The following ABCD4 variants were observed in gnomAD, a reference collection of about 807,000 sequenced individuals.
The protein encoded by ABCD4 is ATP binding cassette subfamily D member 4, also known as lysosomal cobalamin transporter ABCD4.
Under a neutral mutation model 86.3 loss-of-function variants are expected in ABCD4, and 53 were observed. That is an observed-to-expected ratio of 0.61 (90% CI 0.49 to 0.77). ABCD4 has a LOEUF of 0.77. Ranked by LOEUF, ABCD4 falls within the 30% of genes least tolerant of loss-of-function variation. The probability of loss-of-function intolerance (pLI) is 0.00; values close to 1 mark genes in which losing one functional copy is unlikely to be tolerated. For synonymous variants in ABCD4, 328 were observed against 313.6 expected, an observed-to-expected ratio of 1.05 and a Z score of -0.49; for missense variants, 757 against 764.5, an observed-to-expected ratio of 0.99 and a Z score of 0.12.
chr14:74,290,196 CA>C, intron 12 of ABCD4, 78 bp from the exon 13 acceptor site: 1 of 1,610,784 alleles, frequency 6.2e-7, no homozygotes, highest in Non-Finnish European at 8.5e-7. Flanking sequence ...CCTTGTTCCC[CA>C]ACAGAAAAGA....
rs374477379 is a variant in ABCD4 at position 74,293,262 on chromosome 14, G to C, written c.720-14C>G. 5.0e-5 allele frequency: 80 copies of C among 1,613,592 alleles called. No homozygotes were observed. The highest frequency in any genetic ancestry group is 4.7e-5 in the Non-Finnish European group (56 of 1,179,750). ...ACATGCCCAGCTCTGACAAGGAAAG[G>C]CTGGGATGTCCACAGGGCTGGAGAG... On this transcript the variant is annotated splice_polypyrimidine_tract_variant and intron_variant, in intron 7 of 18. Transcript: ENST00000356924.
chr14:74,293,361 T>C, intron 7 of ABCD4, 113 bp from the exon 8 acceptor site: 1 of 935,466 alleles, frequency 1.1e-6, no homozygotes, highest in South Asian at 1.5e-5. Flanking sequence ...CAAATGATCT[T>C]GGTCTCAGGA....
intron 3 of ABCD4, among the ~76,000 whole-genome samples, 162 bp from the exon 4 acceptor site, chr14:74,298,231 G>C (rs548324900): frequency 6.6e-6 from 1 of 152,102 alleles, no homozygotes; most frequent in Admixed American, 6.5e-5. Flanking sequence ...TCGAGTCATG[G>C]GACTTTCCCT....
At position 74,290,117 on chromosome 14, in the gene ABCD4, G is replaced by A; in HGVS notation, c.1329C>T (p.Gly443=). The A allele has an allele frequency of 1.2e-6, 2 of 1,614,128 alleles. No individual in the cohort carries two copies. The highest frequency in any genetic ancestry group is 1.3e-5 in the African/African-American group (1 of 75,036). Reference sequence around the variant, plus strand: ...CAAAGTCCGTCAGCATCTGCACTGAGCCTGCAGAGCCCACAGAAACCTCCA... The same window carrying A: ...CAAAGTCCGTCAGCATCTGCACTGAACCTGCAGAGCCCACAGAAACCTCCA... ...VLGGLWTSTR[G]SVQMLTDFGP... is the part of the protein sequence containing the mutation. The change falls in exon 13 of 19, where the codon GGC becomes GGT. Residue 443 remains glycine (G), a splice_region_variant and synonymous_variant. Coordinates refer to ENST00000356924, the MANE Select transcript of ABCD4 (RefSeq NM_005050.4).
intron 6 of ABCD4, chr14:74,295,619 T>C: frequency 1.7e-6 from 1 of 584,672 alleles, no homozygotes; most frequent in East Asian, 3.1e-5. Flanking sequence ...GCAGACACGG[T>C]TCTCAGACCT....
intron 4 of ABCD4, chr14:74,297,564 CTTTTTT>C (rs566448507): frequency 1.6e-5 from 4 of 249,948 alleles, no homozygotes; most frequent in Non-Finnish European, 6.4e-6. Context: ...TAACATTTTT[CTTTTTT>C]TTAAGAGATG....
chr14:74,289,951 G>A, intron 13 of ABCD4, 76 bp downstream of exon 13: 2 of 1,605,548 alleles, frequency 1.2e-6, no homozygotes, highest in African/African-American at 1.3e-5. Flanking sequence ...CCTGAGACTT[G>A]TCACAGTGCC....
rs2079566538 is a variant in ABCD4 at position 74,285,434 on chromosome 14, G to C, written c.*1027C>G. 6.6e-6 allele frequency: 1 copy of C among 152,098 alleles called. No individual in the cohort carries two copies. The allele number at this position is 152,098 out of a possible 1,614,324, so 9.4% of individuals were successfully genotyped here. ...GTTAATAACACCGATGGTTTTTCTTGTATTTATTTTTAGTTACTTTCCATC... is the reference window on the plus strand; with the variant it reads ...GTTAATAACACCGATGGTTTTTCTTCTATTTATTTTTAGTTACTTTCCATC... On this transcript the variant is annotated 3_prime_UTR_variant, in exon 19 of 19. Coordinates refer to ENST00000356924, the MANE Select transcript of ABCD4 (RefSeq NM_005050.4).
chr14:74,292,735 G>A lies in ABCD4; in HGVS notation c.936+13C>T, dbSNP rs753624308. On this transcript the variant is annotated intron_variant, in intron 9 of 18. Transcript: ENST00000356924. ...GAGGGACAGCATGTGGGGTGACCAA[G>A]AGGGAGTCTCACCTTGCTGACCAGG... 7 of 1,613,870 alleles carry A rather than the reference G, an allele frequency of 4.3e-6. No individual in the cohort carries two copies. Among genetic ancestry groups the A allele is most frequent in the African/African-American group, 4.0e-5 (3 of 74,930 alleles).
At chr14:74,294,491 G>C (rs2082340897) in intron 7 of ABCD4, 1 of 152,076 alleles carries the variant, frequency 6.6e-6, no homozygotes, top group African/African-American at 2.4e-5. Flanking sequence ...AAGGTCCCAG[G>C]GCTATCACAT....
Position 74,300,239 on chromosome 14 carries a change from C to A in ABCD4, c.68G>T (p.Arg23Leu). 2 of 1,613,354 alleles carry A rather than the reference C, an allele frequency of 1.2e-6. No homozygotes were observed. Among genetic ancestry groups the A allele is most frequent in the Non-Finnish European group, 1.7e-6 (2 of 1,179,620 alleles). ...RPRLDLQFLQ[R>L]FLQILKVLFP... ...CAAAACCTTCAGTATCTGCAGGAAC[C>A]GCTGGAGAAATTGCAGATCTAACCT... Residue 23 changes from arginine (R) to leucine (L), a missense_variant, in exon 2 of 19, where the codon CGG becomes CTG. Physicochemically the swap from Arg to Leu is moderately radical, Grantham distance 102. Transcript: ENST00000356924.
intron 6 of ABCD4, 57 bp from the exon 7 acceptor site, chr14:74,295,255 G>T: frequency 6.2e-7 from 1 of 1,600,838 alleles, no homozygotes; most frequent in African/African-American, 1.3e-5. Context: ...CCTCACTCTT[G>T]TTGGAGTCCT....
At chr14:74,300,738 G>A (rs993471752) in intron 1 of ABCD4, among the ~76,000 whole-genome samples, 4 of 152,120 alleles carry the variant, frequency 2.6e-5, no homozygotes, top group African/African-American at 7.2e-5. Context: ...CCTATACAGG[G>A]GAAAACTGAT....
rs2082889721 is a variant in ABCD4 at position 74,296,425 on chromosome 14, C to T, written c.450G>A (p.Val150=). The change falls in exon 5 of 19, where the codon GTG becomes GTA. Residue 150 remains valine, a synonymous_variant. Transcript: ENST00000356924. The stretch of plus-strand genomic sequence containing the variant: ...TGCTGAGCTGCCGGCAGAATCGCTC[C>T]ACGTCCTGGCTGATGCGCTGGTCCC... ...DNPDQRISQD[V]ERFCRQLSSM... 1.9e-6 allele frequency: 3 copies of T among 1,613,982 alleles called. No individual in the cohort carries two copies. Among genetic ancestry groups the T allele is most frequent in the Admixed American group, 1.7e-5 (1 of 59,984 alleles).
At position 74,296,153 on chromosome 14, in the gene ABCD4, T is replaced by C. The variant is rs74063831; in HGVS notation, c.543-174A>G. On this transcript the variant is annotated intron_variant, in intron 5 of 18. Transcript: ENST00000356924. Reference sequence around the variant, plus strand: ...GGTATGAGCTCTCAGAGCCAGGATATCTGTGACACTGCAACACAGGGCCAA... The same window carrying C: ...GGTATGAGCTCTCAGAGCCAGGATACCTGTGACACTGCAACACAGGGCCAA... 0.065 allele frequency among the ~76,000 whole-genome samples: 9,856 copies of C among 152,196 alleles called. 1,081 individuals carry two copies. Among genetic ancestry groups the C allele is most frequent in the African/African-American group, 0.23 (9,343 of 41,506 alleles).
At position 74,298,057 on chromosome 14, in the gene ABCD4, C is replaced by A; in HGVS notation, c.298G>T (p.Asp100Tyr). 6.2e-7 allele frequency: 1 copy of A among 1,613,700 alleles called. No individual in the cohort carries two copies. The highest frequency in any genetic ancestry group is 1.7e-5 in the Admixed American group (1 of 59,926). The change falls in exon 4 of 19, where the codon GAT becomes TAT. Residue 100 changes from aspartate to tyrosine, a missense_variant. Coordinates refer to ENST00000356924, the MANE Select transcript of ABCD4 (RefSeq NM_005050.4). ...IVLNSTLKSFDQFTCNLLYVS... is the reference protein window; with the variant it reads ...IVLNSTLKSFYQFTCNLLYVS... ...TACAGCAGGTTGCAGGTGAACTGAT[C>A]AAAGCTCTTCAGCTGTGCAGTGGGG...
intron 4 of ABCD4, 86 bp from the exon 5 acceptor site, chr14:74,296,535 C>G: frequency 8.0e-7 from 1 of 1,244,796 alleles, no homozygotes; most frequent in Non-Finnish European, 1.2e-6. Context: ...CACCTCTGCT[C>G]TTGACCTTGC....
At chr14:74,290,779 G>A (rs2081294093) in intron 11 of ABCD4, among the ~76,000 whole-genome samples, 1 of 150,130 alleles carries the variant, frequency 6.7e-6, no homozygotes, top group East Asian at 2.0e-4. Context: ...CCGCCTCCTG[G>A]GTTCAAGCGA....
Position 74,286,365 on chromosome 14 carries a change from G to T in ABCD4, c.*96C>A. ...GTGGCTCCTGCACGGGATCTATGTG[G>T]CGAACCTGAGCTCGATCTTCGCTGT... On this transcript the variant is annotated 3_prime_UTR_variant, in exon 19 of 19. Coordinates refer to ENST00000356924, the MANE Select transcript of ABCD4 (RefSeq NM_005050.4). 1 of 1,370,514 alleles carries T rather than the reference G, an allele frequency of 7.3e-7. No homozygotes were observed. The allele number at this position is 1,370,514 out of a possible 1,614,324, so 84.9% of individuals were successfully genotyped here. A position where few individuals can be genotyped will look rare whatever the true frequency, so the allele number is the denominator to read the frequency against.
Sources: allele counts gnomAD v4.1 joint callset (sites outside exome capture counted in the v4.1 genomes callset), GRCh38; gene constraint gnomAD v4.1.1; transcripts MANE v1.5; gene names NCBI Gene and HGNC (gene_info 2026-07-23, HGNC 2026-07-21).